The following C1orf226 variants were observed in gnomAD, a reference collection of about 807,000 sequenced individuals.
C1orf226 encodes the protein chromosome 1 open reading frame 226.
In C1orf226, 4 loss-of-function variants were observed where a neutral mutation model predicts 10.5. That is an observed-to-expected ratio of 0.38 (90% CI 0.19 to 0.87). The LOEUF (loss-of-function observed/expected upper bound fraction) is 0.87. C1orf226 is among the 40% of genes least tolerant of loss of function. The pLI is 0.41. For missense variants in C1orf226, 313 were observed against 336.2 expected, an observed-to-expected ratio of 0.93 and a Z score of 0.54; for synonymous variants, 125 against 139.3, an observed-to-expected ratio of 0.90 and a Z score of 0.72.
rs751074909 is a variant in C1orf226 at position 162,381,878 on chromosome 1, T to C, written c.-24T>C. On this transcript the variant is annotated 5_prime_UTR_variant, in exon 1 of 2. Coordinates refer to ENST00000458626, the MANE Select transcript of C1orf226 (RefSeq NM_001085375.2). ...TTCCTCATCATGCCTCTCTGTCGCCTCTTTGTTCATAGTTGACCACGGCAT... is the reference window on the plus strand; with the variant it reads ...TTCCTCATCATGCCTCTCTGTCGCCCCTTTGTTCATAGTTGACCACGGCAT... 15 of 1,610,636 alleles carry C rather than the reference T, an allele frequency of 9.3e-6. No homozygotes were observed. In the South Asian group the frequency reaches 1.5e-4, roughly 17 times the overall value.
rs768696777 is a variant in C1orf226, at chr1:162,381,937, G to C, written c.36G>C (p.Lys12Asn). The C allele has an allele frequency of 6.2e-7, 1 of 1,612,886 alleles. No homozygotes were observed. Among genetic ancestry groups the C allele is most frequent in the South Asian group, 1.1e-5 (1 of 91,078 alleles). ...ATTTGAACACAGCCCTCACTCCAAA[G>C]CTCCAGGCCAGCCGCTCCTTCCCCC... ...FENLNTALTP[K>N]LQASRSFPHL... Residue 12 changes from lysine (K) to asparagine (N), a missense_variant, in exon 1 of 2, where the codon AAG (lysine) becomes AAC (asparagine). Physicochemically the swap from Lys to Asn is moderately conservative, Grantham distance 94. Transcript: ENST00000458626.
At chr1:162,382,359 C>A in intron 1 of C1orf226, 141 bp downstream of exon 1, 1 of 1,088,508 alleles carries the variant, frequency 9.2e-7, no homozygotes. Context: ...GCTGCAGGAT[C>A]AGGCCACGTT....
At position 162,382,135 on chromosome 1, in the gene C1orf226, T is replaced by C. The variant is rs781356329; in HGVS notation, c.234T>C (p.Gly78=). The change falls in exon 1 of 2, where the codon GGT becomes GGC. Residue 78 remains glycine (G), a synonymous_variant. Coordinates refer to ENST00000458626, the MANE Select transcript of C1orf226 (RefSeq NM_001085375.2). Reference sequence around the variant, plus strand: ...AGCCCTCCAGCCTGGGCAGTGTGGGTGTGACAGAGATCAACAAGACTGCAG... The same window carrying C: ...AGCCCTCCAGCCTGGGCAGTGTGGGCGTGACAGAGATCAACAAGACTGCAG... ...RKEPSSLGSV[G]VTEINKTAGA... The C allele has an allele frequency of 2.5e-6, 4 of 1,589,666 alleles. No homozygotes were observed. In the South Asian group the frequency reaches 3.4e-5, roughly 14 times the overall value.
rs753452827 is a variant in C1orf226 at position 162,383,556 on chromosome 1, G to A, written c.692G>A (p.Gly231Asp). The A allele has an allele frequency of 1.2e-6, 2 of 1,606,472 alleles. No homozygotes were observed. Among genetic ancestry groups the A allele is most frequent in the Admixed American group, 3.4e-5 (2 of 59,156 alleles). ...ASSPSLIERN[G>D]FKLSLSPISL... Reference sequence around the variant, plus strand: ...TCCCCCAGCCTTATCGAGAGGAATGGCTTCAAACTCAGCTTGAGCCCCATC... The same window carrying A: ...TCCCCCAGCCTTATCGAGAGGAATGACTTCAAACTCAGCTTGAGCCCCATC... Residue 231 changes from glycine (G) to aspartate (D), a missense_variant, in exon 2 of 2, where the codon GGC becomes GAC. Gly to Asp is a moderately conservative substitution (Grantham distance 94). Transcript: ENST00000458626.
At chr1:162,379,518 A>T (rs1647844244), upstream of C1orf226, among the ~76,000 whole-genome samples, 1 of 152,328 alleles carries the variant, frequency 6.6e-6, no homozygotes, top group South Asian at 2.1e-4. Context: ...ATCGTGCAAG[A>T]CCCTAAGCTG....
At chr1:162,379,997 T>C (rs908817883), upstream of C1orf226, among the ~76,000 whole-genome samples, 1 of 152,238 alleles carries the variant, frequency 6.6e-6, no homozygotes, top group African/African-American at 2.4e-5. Context: ...AATAGTTAAA[T>C]GGTTTGGTTT....
Position 162,383,752 on chromosome 1 carries a change from G to T in C1orf226, c.*69G>T. ...TGCTTTCTCCTCCACTGCGCACACT[G>T]GCCCTGGCCTCAACTCCGCTGTGCC... is the stretch of plus-strand genomic sequence containing the variant. On this transcript the variant is annotated 3_prime_UTR_variant, in exon 2 of 2. Coordinates refer to ENST00000458626, the MANE Select transcript of C1orf226 (RefSeq NM_001085375.2). 1 of 1,458,414 alleles carries T rather than the reference G, an allele frequency of 6.9e-7. No individual in the cohort carries two copies. The highest frequency in any genetic ancestry group is 9.1e-7 in the Non-Finnish European group (1 of 1,098,994). The allele number at this position is 1,458,414 out of a possible 1,614,324, so 90.3% of individuals were successfully genotyped here.
intron 1 of C1orf226, among the ~76,000 whole-genome samples, chr1:162,382,436 CT>C (rs1162368295): frequency 2.0e-5 from 3 of 152,118 alleles, no homozygotes; most frequent in African/African-American, 7.2e-5. Flanking sequence ...ATGTCCTCGG[CT>C]CTGTGCTGCT....
At chr1:162,381,143 A>C (rs1463855164), upstream of C1orf226, among the ~76,000 whole-genome samples, 4 of 152,134 alleles carry the variant, frequency 2.6e-5, no homozygotes, top group Non-Finnish European at 5.9e-5. Flanking sequence ...TAGCTGTGTG[A>C]CCTCAGGCAC....
chr1:162,386,648 A>T lies in C1orf226; in HGVS notation c.*2965A>T, dbSNP rs1648116241. On this transcript the variant is annotated 3_prime_UTR_variant, in exon 2 of 2. Coordinates refer to ENST00000458626, the MANE Select transcript of C1orf226 (RefSeq NM_001085375.2). The stretch of plus-strand genomic sequence containing the variant: ...TGTATGTGGCTGATATGGAAGACAT[A>T]CATGTATGCAATCCATCAGCGTTTA... 6.6e-6 allele frequency: 1 copy of T among 152,256 alleles called. No homozygotes were observed. Among genetic ancestry groups the T allele is most frequent in the Non-Finnish European group, 1.5e-5 (1 of 68,056 alleles). 9.4% of individuals were successfully genotyped at this position (152,256 alleles called of 1,614,324 possible).
Position 162,383,798 on chromosome 1 carries a change from G to A in C1orf226, c.*115G>A. On this transcript the variant is annotated 3_prime_UTR_variant, in exon 2 of 2. Transcript: ENST00000458626. The stretch of plus-strand genomic sequence containing the variant: ...GTGCCCTTTGTCTTCCTTGTATGAG[G>A]CACCAGCAGAGAGCCAGTCGTCCAT... 9.4e-7 allele frequency: 1 copy of A among 1,066,296 alleles called. No individual in the cohort carries two copies. The highest frequency in any genetic ancestry group is 1.3e-6 in the Non-Finnish European group (1 of 763,268). 66.1% of individuals were successfully genotyped at this position (1,066,296 alleles called of 1,614,324 possible).
rs577076806 is a variant in C1orf226 at position 162,383,614 on chromosome 1, C to G, written c.750C>G (p.Pro250=). The change falls in exon 2 of 2, where the codon CCC becomes CCG. Residue 250 remains proline (P), a synonymous_variant. Coordinates refer to ENST00000458626, the MANE Select transcript of C1orf226 (RefSeq NM_001085375.2). ...CTGAGTCCTGGGAGGATGGCAGCCC[C>G]CCTCCTCAGGCACGGACCTCCAGCC... is the stretch of plus-strand genomic sequence containing the variant. ...SLAESWEDGS[P]PPQARTSSLD... 1 of 1,608,556 alleles carries G rather than the reference C, an allele frequency of 6.2e-7. No individual in the cohort carries two copies. The highest frequency in any genetic ancestry group is 8.5e-7 in the Non-Finnish European group (1 of 1,177,556).
upstream of C1orf226, chr1:162,379,021 T>C: frequency 6.5e-7 from 1 of 1,547,254 alleles, no homozygotes; most frequent in Non-Finnish European, 8.7e-7. Context: ...CCGAGCCCCT[T>C]TCTCGGACAG....
In C1orf226 at chr1:162,385,401, C is replaced by A. The variant is rs1207595334; in HGVS notation, c.*1718C>A. ...TTGCTTCTGCAGCTGTGTGGCCTTG[C>A]CATGGCCCTCCCACCACTTTCCCTT... On this transcript the variant is annotated 3_prime_UTR_variant, in exon 2 of 2. Coordinates refer to ENST00000458626, the MANE Select transcript of C1orf226 (RefSeq NM_001085375.2). 1 of 152,296 alleles carries A rather than the reference C, an allele frequency of 6.6e-6. No homozygotes were observed. Among genetic ancestry groups the A allele is most frequent in the African/African-American group, 2.4e-5 (1 of 41,432 alleles). 9.4% of individuals were successfully genotyped at this position (152,296 alleles called of 1,614,324 possible). A position where few individuals can be genotyped will look rare whatever the true frequency, so the allele number is the denominator to read the frequency against.
chr1:162,383,494 A>T lies in C1orf226; in HGVS notation c.630A>T (p.Glu210Asp). ...PDLIHKDSQD[E>D]SKLKMTECRR... ...TAATCCACAAGGATAGCCAGGACGA[A>T]TCCAAGCTAAAGATGACTGAGTGCA... The change falls in exon 2 of 2, where the codon GAA (glutamate) becomes GAT (aspartate). Residue 210 changes from glutamate (E) to aspartate (D), a missense_variant. Transcript: ENST00000458626. The T allele has an allele frequency of 1.2e-6, 2 of 1,603,004 alleles. No homozygotes were observed. Among genetic ancestry groups the T allele is most frequent in the Middle Eastern group, 1.7e-4 (1 of 6,048 alleles).
upstream of C1orf226, chr1:162,381,685 G>A: frequency 7.1e-7 from 1 of 1,400,758 alleles, no homozygotes; most frequent in Non-Finnish European, 9.2e-7. Context: ...AACTTGGGTG[G>A]GGCAGAGCTA....
Position 162,383,616 on chromosome 1 carries a change from C to G in C1orf226, c.752C>G (p.Pro251Arg), listed in dbSNP as rs1451543453. 6.2e-7 allele frequency: 1 copy of G among 1,608,772 alleles called. No individual in the cohort carries two copies. Among genetic ancestry groups the G allele is most frequent in the Non-Finnish European group, 8.5e-7 (1 of 1,177,682 alleles). ...GAGTCCTGGGAGGATGGCAGCCCCC[C>G]TCCTCAGGCACGGACCTCCAGCCTC... ...LAESWEDGSP[P>R]PQARTSSLDN... is the part of the protein sequence containing the mutation. Residue 251 changes from proline to arginine, a missense_variant, in exon 2 of 2, where the codon CCT (proline) becomes CGT (arginine). Transcript: ENST00000458626.
In C1orf226 at chr1:162,383,664, A is replaced by G; in HGVS notation, c.800A>G (p.Asp267Gly). The G allele has an allele frequency of 6.2e-7, 1 of 1,605,580 alleles. No homozygotes were observed. Among genetic ancestry groups the G allele is most frequent in the East Asian group, 2.2e-5 (1 of 44,744 alleles). The change falls in exon 2 of 2, where the codon GAC becomes GGC. Residue 267 changes from aspartate (D) to glycine (G), a missense_variant. Coordinates refer to ENST00000458626, the MANE Select transcript of C1orf226 (RefSeq NM_001085375.2). ...CTCGACAATGAGGGCCCTCACCCAGACCTGCTGTCCTTTGAATAGAGCCTC... is the reference window on the plus strand; with the variant it reads ...CTCGACAATGAGGGCCCTCACCCAGGCCTGCTGTCCTTTGAATAGAGCCTC... The part of the protein sequence containing the change: ...SSLDNEGPHP[D>G]LLSFE
At chr1:162,382,713 C>A (rs112096103) in intron 1 of C1orf226, among the ~76,000 whole-genome samples, 207 of 152,312 alleles carry the variant, frequency 1.4e-3, no homozygotes, top group African/African-American at 4.8e-3. Flanking sequence ...TAGACTGTTG[C>A]TTGTGGAGAA....
Sources: gnomAD v4.1 joint callset for allele counts (sites outside exome capture counted in the v4.1 genomes callset) on GRCh38, gnomAD v4.1.1 for gene constraint, MANE v1.5 for transcripts, NCBI Gene and HGNC (gene_info 2026-07-23, HGNC 2026-07-21) for gene names.